Variants in ASB13 observed in about 807,000 individuals in gnomAD.
ASB13 encodes ankyrin repeat and SOCS box protein 13.
In ASB13, 33 loss-of-function variants were observed where a neutral mutation model predicts 28.8. That is an observed-to-expected ratio of 1.15 (90% CI 0.87 to 1.53). The LOEUF (loss-of-function observed/expected upper bound fraction) is 1.53. Among genes scored for constraint, ASB13 ranks in the 40% most tolerant of loss-of-function variants. The probability of loss-of-function intolerance (pLI) is 0.00; values close to 1 mark genes in which losing one functional copy is unlikely to be tolerated. For missense variants in ASB13, 414 were observed against 390.1 expected (o/e 1.06, Z -0.52); for synonymous variants, 182 against 172.9 (o/e 1.05, Z -0.41).
chr10:5,651,291 TCA>T lies in ASB13; in HGVS notation c.302_303del (p.Val101GlufsTer37). 1.9e-6 allele frequency: 3 copies of T among 1,614,004 alleles called. No homozygotes were observed. Among genetic ancestry groups the T allele is most frequent in the Non-Finnish European group, 2.5e-6 (3 of 1,179,984 alleles). On this transcript the variant is annotated frameshift_variant, in exon 3 of 6. Coordinates refer to ENST00000357700, the MANE Select transcript of ASB13 (RefSeq NM_024701.4). LOFTEE classifies it high-confidence loss of function. This position sits in a 1 kb window ranked among gnomAD's most constrained non-coding sequence, Gnocchi z 5.1. The part of the protein sequence containing the change: ...DACASGSIEC[V>X]KLLLSYGAKV... ...TTGGCCCCGTAGGACAGCAAGAGCT[TCA>T]CACACTCGATGCTGCCCGAGGCGCA...
In ASB13 at chr10:5,644,264, C is replaced by T. The variant is rs868246016; in HGVS notation, c.518-2303G>A. Among the ~76,000 whole-genome samples the T allele has an allele frequency of 1.3e-5, 2 of 152,128 alleles. No homozygotes were observed. Among genetic ancestry groups the T allele is most frequent in the Non-Finnish European group, 2.9e-5 (2 of 68,028 alleles). On this transcript the variant is annotated intron_variant, in intron 4 of 5. Coordinates refer to ENST00000357700, the MANE Select transcript of ASB13 (RefSeq NM_024701.4). This position sits in a 1 kb window ranked among gnomAD's most constrained non-coding sequence, Gnocchi z 5.1. ...ATCTCAGCACTTTGGGAATTCGAGG[C>T]GAGCGGATCTCTTGGGCCCAGGAAA...
In ASB13 at chr10:5,652,768, C is replaced by T. The variant is rs80055359; in HGVS notation, c.231+95G>A. On this transcript the variant is annotated intron_variant, in intron 2 of 5. Transcript: ENST00000357700. This position sits in a 1 kb window ranked among gnomAD's most constrained non-coding sequence, Gnocchi z 5.0. ...TGTGTGCAGTGGACACAGTGCAGCCCCCATCCTCCCCTCTTTCCCAAGTTC... is the reference window on the plus strand; with the variant it reads ...TGTGTGCAGTGGACACAGTGCAGCCTCCATCCTCCCCTCTTTCCCAAGTTC... 4,885 of 1,320,472 alleles carry T rather than the reference C, an allele frequency of 3.7e-3. 20 individuals carry two copies. The highest frequency in any genetic ancestry group is 0.019 in the Middle Eastern group (71 of 3,686). The allele number at this position is 1,320,472 out of a possible 1,614,324, so 81.8% of individuals were successfully genotyped here.
chr10:5,661,318 C>T lies in ASB13; in HGVS notation c.43+5191G>A, dbSNP rs989177538. Among the ~76,000 whole-genome samples the T allele has an allele frequency of 1.3e-5, 2 of 152,182 alleles. No individual in the cohort carries two copies. Among genetic ancestry groups the T allele is most frequent in the African/African-American group, 2.4e-5 (1 of 41,436 alleles). ...ACCATAAAAGCAGCAGAGCCACTTG[C>T]CCCCAACCCCGCCCCGCCGAGCCTG... On this transcript the variant is annotated intron_variant, in intron 1 of 5. Coordinates refer to ENST00000357700, the MANE Select transcript of ASB13 (RefSeq NM_024701.4). The surrounding 1 kb of genome is among the most constrained non-coding windows in gnomAD (Gnocchi z 4.9).
At position 5,653,009 on chromosome 10, in the gene ASB13, G is replaced by C. The variant is rs772098164; in HGVS notation, c.85C>G (p.Arg29Gly). The change falls in exon 2 of 6, where the codon CGG becomes GGG. Residue 29 changes from arginine (R) to glycine (G), a missense_variant. Arg to Gly is a moderately radical substitution (Grantham distance 125). Transcript: ENST00000357700. ...TGTTGCAGCTGCAGGCTCTCACCCC[G>C]CTGGGCTGCCTCGTGCACAGGGGTC... ...ERTPVHEAAQ[R>G]GESLQLQQLI... The C allele has an allele frequency of 6.4e-7, 1 of 1,551,592 alleles. No homozygotes were observed. The highest frequency in any genetic ancestry group is 8.7e-7 in the Non-Finnish European group (1 of 1,147,198).
At position 5,659,921 on chromosome 10, in the gene ASB13, C is replaced by T. The variant is rs1472533963; in HGVS notation, c.43+6588G>A. On this transcript the variant is annotated intron_variant, in intron 1 of 5. Transcript: ENST00000357700. The surrounding 1 kb of genome is among the most constrained non-coding windows in gnomAD (Gnocchi z 5.8). ...TCCAGCCCAGGACAGTGGCCTGAGA[C>T]CTAACATGATGCTTGCACACTCTGG... Among the ~76,000 whole-genome samples, 1 of 152,222 alleles carries T rather than the reference C, an allele frequency of 6.6e-6. No individual in the cohort carries two copies. The highest frequency in any genetic ancestry group is 1.5e-5 in the Non-Finnish European group (1 of 68,052).
chr10:5,657,743 T>C (rs1380317143), intron 1 of ASB13, among the ~76,000 whole-genome samples: 3 of 152,216 alleles, frequency 2.0e-5, no homozygotes, highest in Non-Finnish European at 2.9e-5. Flanking sequence ...AGCAGCATTA[T>C]TCTCAACAAT....
At chr10:5,665,323 A>G (rs755944055) in intron 1 of ASB13, among the ~76,000 whole-genome samples, 7 of 152,232 alleles carry the variant, frequency 4.6e-5, no homozygotes, top group Non-Finnish European at 7.3e-5. Flanking sequence ...AATAAAAAAC[A>G]TCAGCAGAAC....
rs17142291 is a variant in ASB13 at position 5,641,864 on chromosome 10, G to A, written c.615C>T (p.Gly205=). ...GGTTGTCCCGGGCGTAGATGTTGCC[G>A]CCAAACTCGATAAGCATCTCGATGA... ...VDLIEMLIEF[G]GNIYARDNRG... is the part of the protein sequence containing the mutation. The change falls in exon 5 of 6, where the codon GGC becomes GGT. Residue 205 remains glycine, a synonymous_variant. Coordinates refer to ENST00000357700, the MANE Select transcript of ASB13 (RefSeq NM_024701.4). The surrounding 1 kb of genome is among the most constrained non-coding windows in gnomAD (Gnocchi z 8.4). 7.4e-3 allele frequency: 12,022 copies of A among 1,613,924 alleles called. 686 individuals carry two copies. The African/African-American group carries it at 0.13, about 18-fold the overall frequency.
intron 4 of ASB13, among the ~76,000 whole-genome samples, chr10:5,643,420 C>T (rs1173541992): frequency 1.3e-5 from 2 of 152,160 alleles, no homozygotes; most frequent in Non-Finnish European, 2.9e-5. Context: ...ATCCTAAGAA[C>T]GCCCCAGCCC....
rs563917834 is a variant in ASB13 at position 5,642,650 on chromosome 10, T to G, written c.518-689A>C. The G allele has an allele frequency of 6.7e-3, 2,998 of 447,202 alleles. 76 individuals carry two copies. The African/African-American group carries it at 0.079, about 12-fold the overall frequency. The allele number at this position is 447,202 out of a possible 1,614,324, so 27.7% of individuals were successfully genotyped here. On this transcript the variant is annotated intron_variant, in intron 4 of 5. Coordinates refer to ENST00000357700, the MANE Select transcript of ASB13 (RefSeq NM_024701.4). This position sits in a 1 kb window ranked among gnomAD's most constrained non-coding sequence, Gnocchi z 4.1. ...ATTAGTAGCTAAATATGGCTGGTTTTGGGTTTTTTTTTTTGAGACAGAGTC... is the reference window on the plus strand; with the variant it reads ...ATTAGTAGCTAAATATGGCTGGTTTGGGGTTTTTTTTTTTGAGACAGAGTC...
In ASB13 at chr10:5,659,669, G is replaced by A. The variant is rs534443899; in HGVS notation, c.44-6619C>T. Among the ~76,000 whole-genome samples the A allele has an allele frequency of 1.8e-4, 26 of 146,232 alleles. 1 individual carries two copies. In the East Asian group the frequency reaches 4.9e-3, roughly 27 times the overall value. ...CCGAGCATGCAGCCCACCCCCCCAC[G>A]CCATCTCCACACTATTGCCCCACCA... is the stretch of plus-strand genomic sequence containing the variant. On this transcript the variant is annotated intron_variant, in intron 1 of 5. Coordinates refer to ENST00000357700, the MANE Select transcript of ASB13 (RefSeq NM_024701.4). This position sits in a 1 kb window ranked among gnomAD's most constrained non-coding sequence, Gnocchi z 5.8.
intron 1 of ASB13, among the ~76,000 whole-genome samples, chr10:5,654,822 T>C (rs1418961164): frequency 6.6e-6 from 1 of 152,182 alleles, no homozygotes; most frequent in Non-Finnish European, 1.5e-5. Context: ...CTGGGCTAGG[T>C]GCGGTGGCTC....
rs902263896 is a variant in ASB13, at chr10:5,660,798, C to T, written c.43+5711G>A. On this transcript the variant is annotated intron_variant, in intron 1 of 5. Transcript: ENST00000357700. The surrounding 1 kb of genome is among the most constrained non-coding windows in gnomAD (Gnocchi z 6.1). ...CCAGTAACTCAATCCTTACCTAAGT[C>T]GGGTGACTGATTGAGTCTCTGCCCA... Among the ~76,000 whole-genome samples, 4 of 152,146 alleles carry T rather than the reference C, an allele frequency of 2.6e-5. No individual in the cohort carries two copies. Among genetic ancestry groups the T allele is most frequent in the African/African-American group, 7.2e-5 (3 of 41,436 alleles).
intron 1 of ASB13, among the ~76,000 whole-genome samples, chr10:5,665,006 G>A (rs948382929): frequency 3.3e-5 from 5 of 152,152 alleles, no homozygotes; most frequent in African/African-American, 9.7e-5. Flanking sequence ...ACAGGCACCC[G>A]CCACAATGCT....
chr10:5,661,152 C>G lies in ASB13; in HGVS notation c.43+5357G>C, dbSNP rs942171576. Among the ~76,000 whole-genome samples, 1 of 152,198 alleles carries G rather than the reference C, an allele frequency of 6.6e-6. No homozygotes were observed. Among genetic ancestry groups the G allele is most frequent in the Admixed American group, 6.5e-5 (1 of 15,288 alleles). ...GCTCTGTGCCCAGGCCCGGCCACCC[C>G]CTAGAGAGCCTGTGTCTAGGAGGCA... is the stretch of plus-strand genomic sequence containing the variant. On this transcript the variant is annotated intron_variant, in intron 1 of 5. Coordinates refer to ENST00000357700, the MANE Select transcript of ASB13 (RefSeq NM_024701.4). This position sits in a 1 kb window ranked among gnomAD's most constrained non-coding sequence, Gnocchi z 4.9.
Position 5,649,116 on chromosome 10 carries a change from T to C in ASB13, c.383-12A>G. 3 of 1,613,624 alleles carry C rather than the reference T, an allele frequency of 1.9e-6. No homozygotes were observed. The highest frequency in any genetic ancestry group is 2.5e-6 in the Non-Finnish European group (3 of 1,179,894). On this transcript the variant is annotated splice_polypyrimidine_tract_variant and intron_variant, in intron 3 of 5. Coordinates refer to ENST00000357700, the MANE Select transcript of ASB13 (RefSeq NM_024701.4). This position sits in a 1 kb window ranked among gnomAD's most constrained non-coding sequence, Gnocchi z 6.4. ...ACATTCGGAACTCCCTTAAGATAAA[T>C]GGAAAAGGGGGGGAATGTCCTTGAA...
At position 5,642,778 on chromosome 10, in the gene ASB13, C is replaced by G. The variant is rs1480572297; in HGVS notation, c.518-817G>C. On this transcript the variant is annotated intron_variant, in intron 4 of 5. Coordinates refer to ENST00000357700, the MANE Select transcript of ASB13 (RefSeq NM_024701.4). This position sits in a 1 kb window ranked among gnomAD's most constrained non-coding sequence, Gnocchi z 4.1. ...TCTCCTGCCTCAGCCTCCCGAGTTG[C>G]TGGGATGACAGGTGTGCCACCATGC... Among the ~76,000 whole-genome samples the G allele has an allele frequency of 6.6e-6, 1 of 151,936 alleles. No individual in the cohort carries two copies. The highest frequency in any genetic ancestry group is 1.5e-5 in the Non-Finnish European group (1 of 67,966).
At chr10:5,647,727 T>G (rs1206485371) in intron 4 of ASB13, among the ~76,000 whole-genome samples, 1 of 152,190 alleles carries the variant, frequency 6.6e-6, no homozygotes, top group East Asian at 1.9e-4. Context: ...GCAGCATAGA[T>G]TCTTCCAGTG....
chr10:5,662,478 T>C (rs1835182530), intron 1 of ASB13, among the ~76,000 whole-genome samples: 1 of 142,982 alleles, frequency 7.0e-6, no homozygotes, highest in Non-Finnish European at 1.5e-5. Context: ...TGCAGTGAGC[T>C]GAGATCGTGC....
Sources: gnomAD v4.1 joint callset for allele counts (sites outside exome capture counted in the v4.1 genomes callset) on GRCh38, gnomAD v4.1.1 for gene constraint, Gnocchi (gnomAD v3.1) non-coding constraint, MANE v1.5 for transcripts, NCBI Gene and HGNC (gene_info 2026-07-23, HGNC 2026-07-21) for gene names.